The following MCC variants were observed in gnomAD, a reference collection of about 807,000 sequenced individuals.
MCC encodes the protein MCC regulator of Wnt signaling pathway.
In MCC, 90 loss-of-function variants were observed where a neutral mutation model predicts 116.2. The observed-to-expected ratio is 0.77, with a 90% CI of 0.65 to 0.92. MCC has a LOEUF of 0.92. Ranked by LOEUF, MCC falls within the 40% of genes least tolerant of loss-of-function variation. MCC has a pLI of 0.00. For missense variants in MCC, 1,516 were observed against 1,312.2 expected (o/e 1.16, Z -2.40); for synonymous variants, 578 against 510.5 (o/e 1.13, Z -1.78).
At chr5:113,066,314 T>C (rs1286553548) in intron 13 of MCC, among the ~76,000 whole-genome samples, 3 of 152,222 alleles carry the variant, frequency 2.0e-5, no homozygotes, top group Admixed American at 6.5e-5. Flanking sequence ...TTATCATTTT[T>C]CTTAATACGT....
intron 2 of MCC, among the ~76,000 whole-genome samples, chr5:113,366,517 A>C (rs10074214): frequency 6.6e-6 from 1 of 151,876 alleles, no homozygotes; most frequent in African/African-American, 2.4e-5. Context: ...TGTTCAACCT[A>C]AGCCAGAATA....
intron 16 of MCC, among the ~76,000 whole-genome samples, chr5:113,047,096 A>G (rs4235780): frequency 0.98 from 148,825 of 152,232 alleles, 72,756 homozygotes; most frequent in East Asian, 1. Flanking sequence ...GGCTCAGCTC[A>G]GAAGTTCATT....
intron 3 of MCC, among the ~76,000 whole-genome samples, chr5:113,272,601 G>A (rs2150353597): frequency 6.6e-6 from 1 of 152,128 alleles, no homozygotes; most frequent in South Asian, 2.1e-4. Context: ...GGATACACTT[G>A]TCCATGTTAG....
intron 1 of MCC, chr5:113,433,120 G>T (rs560082302): frequency 6.3e-6 from 1 of 157,994 alleles, no homozygotes; most frequent in East Asian, 1.9e-4. Context: ...TGCTTTAAAA[G>T]TATGTTTTGA....
chr5:113,044,351 A>T, intron 16 of MCC: 1 of 317,714 alleles, frequency 3.1e-6, no homozygotes, highest in Non-Finnish European at 4.6e-6. Flanking sequence ...GAAACTTAAG[A>T]GCCAGTGCTC....
At chr5:113,310,453 C>G (rs1019205845) in intron 3 of MCC, among the ~76,000 whole-genome samples, 1 of 152,184 alleles carries the variant, frequency 6.6e-6, no homozygotes, top group African/African-American at 2.4e-5. Flanking sequence ...TAAAAATCAC[C>G]TAGTCTGTGG....
At chr5:113,119,872 G>A (rs1391214330) in intron 6 of MCC, among the ~76,000 whole-genome samples, 1 of 152,198 alleles carries the variant, frequency 6.6e-6, no homozygotes, top group Non-Finnish European at 1.5e-5. Context: ...TTGGGAAAAT[G>A]AGGATGCCCC....
chr5:113,479,433 AC>A (rs1315233914), intron 1 of MCC, among the ~76,000 whole-genome samples: 2 of 152,286 alleles, frequency 1.3e-5, no homozygotes, highest in East Asian at 3.9e-4. Context: ...TGAAATATAC[AC>A]TTTAAATGGG....
chr5:113,333,596 C>G (rs921143593), intron 3 of MCC, among the ~76,000 whole-genome samples: 2 of 150,792 alleles, frequency 1.3e-5, no homozygotes, highest in Admixed American at 1.3e-4. Flanking sequence ...AAGGAAAAGA[C>G]AGCCTTGAGC....
chr5:113,065,485 C>T (rs1437788266), intron 13 of MCC, among the ~76,000 whole-genome samples: 1 of 152,168 alleles, frequency 6.6e-6, no homozygotes, highest in Non-Finnish European at 1.5e-5. Flanking sequence ...AAATCTTACA[C>T]CAAATCATAG....
chr5:113,125,392 C>A (rs537259655), intron 5 of MCC, among the ~76,000 whole-genome samples: 45 of 152,174 alleles, frequency 3.0e-4, no homozygotes, highest in African/African-American at 1.1e-3. Flanking sequence ...AGCTACCTTG[C>A]GAGAACAGGG....
Position 113,440,300 on chromosome 5 carries a change from G to C in MCC, c.170+47945C>G, listed in dbSNP as rs547034557. 1.7e-3 allele frequency among the ~76,000 whole-genome samples: 262 copies of C among 151,404 alleles called. 1 individual carries two copies. The highest frequency in any genetic ancestry group is 5.8e-3 in the African/African-American group (236 of 40,740). On this transcript the variant is annotated intron_variant, in intron 1 of 18. Transcript: ENST00000408903. ...TTAGAAAAAAGTAGACGTTCCTTCA[G>C]AATCTGAGGCTCTTTATCATCTGGA...
chr5:113,033,021 C>T (rs1430833577), intron 17 of MCC, among the ~76,000 whole-genome samples: 1 of 152,250 alleles, frequency 6.6e-6, no homozygotes, highest in Non-Finnish European at 1.5e-5. Context: ...CAAGGCTGCT[C>T]TATGGAGTAG....
intron 13 of MCC, 63 bp from the exon 14 acceptor site, chr5:113,064,230 G>A: frequency 3.4e-6 from 5 of 1,462,742 alleles, no homozygotes; most frequent in Non-Finnish European, 4.7e-6. Context: ...GCCTGGGAGG[G>A]ACTATGCATA....
In MCC at chr5:113,085,218, G is replaced by A. The variant is rs921034674; in HGVS notation, c.1491C>T (p.Pro497=). Residue 497 remains proline, a synonymous_variant, in exon 9 of 19, where the codon CCC becomes CCT. Transcript: ENST00000408903. ...RLTSTNRPIN[P]STGELSTSSS... ...TGCTTGTGCTCAGCTCCCCAGTGCT[G>A]GGGTTAATCGGGCGGTTGGTGGAAG... 5 of 1,614,110 alleles carry A rather than the reference G, an allele frequency of 3.1e-6. No individual in the cohort carries two copies. In the African/African-American group the frequency reaches 5.3e-5, roughly 17 times the overall value.
chr5:113,198,181 C>T (rs1445208266), intron 3 of MCC, among the ~76,000 whole-genome samples: 1 of 152,184 alleles, frequency 6.6e-6, no homozygotes, highest in African/African-American at 2.4e-5. Context: ...TCAGCTTGTT[C>T]ATGTCTTTGG....
intron 2 of MCC, among the ~76,000 whole-genome samples, chr5:113,377,192 C>T (rs1769007687): frequency 6.6e-6 from 1 of 152,192 alleles, no homozygotes; most frequent in Admixed American, 6.5e-5. Flanking sequence ...CACCACCTCC[C>T]ACTTCTTCTT....
chr5:113,207,056 G>T (rs1319905199), intron 3 of MCC, among the ~76,000 whole-genome samples: 1 of 152,158 alleles, frequency 6.6e-6, no homozygotes. Flanking sequence ...ACTGTAGTTG[G>T]AACCAAGGGG....
intron 8 of MCC, among the ~76,000 whole-genome samples, chr5:113,097,208 T>C (rs924969288): frequency 2.0e-5 from 3 of 152,204 alleles, no homozygotes; most frequent in Admixed American, 2.0e-4. Context: ...TACTTTTTTG[T>C]TTTTGCTTAA....
Sources: allele counts gnomAD v4.1 joint callset (sites outside exome capture counted in the v4.1 genomes callset), GRCh38; gene constraint gnomAD v4.1.1; transcripts MANE v1.5; gene names NCBI Gene and HGNC (gene_info 2026-07-23, HGNC 2026-07-21).